EMC7: variants seen among roughly 807,000 people sequenced by gnomAD.
EMC7 encodes the protein endoplasmic reticulum membrane protein complex subunit 7.
A neutral mutation model predicts 24.4 loss-of-function variants in EMC7; 4 were observed. That is an observed-to-expected ratio of 0.16 (90% CI 0.08 to 0.38). The LOEUF is 0.38. EMC7 is among the 10% of genes least tolerant of loss of function. The pLI is 1.00. For synonymous variants in EMC7, 106 were observed against 112.0 expected (o/e 0.95, Z 0.34); for missense variants, 221 against 300.6 (o/e 0.74, Z 1.96).
intron 1 of EMC7, 61 bp from the exon 2 acceptor site, chr15:34,096,075 G>T (rs1315100325): frequency 7.1e-7 from 1 of 1,411,230 alleles, no homozygotes; most frequent in East Asian, 2.5e-5. Flanking sequence ...TTTCTTACTT[G>T]CTAATTCCCA....
chr15:34,091,753 C>G (rs1900976723), intron 2 of EMC7, among the ~76,000 whole-genome samples: 1 of 152,170 alleles, frequency 6.6e-6, no homozygotes, highest in Non-Finnish European at 1.5e-5. Flanking sequence ...CTAATTAAAT[C>G]TAAGCCTTCT....
intron 1 of EMC7, among the ~76,000 whole-genome samples, chr15:34,097,057 G>A (rs1343445686): frequency 6.1e-4 from 1 of 1,652 alleles, no homozygotes; most frequent in Non-Finnish European, 3.0e-3. Flanking sequence ...TTTTTGAGAC[G>A]GAGTCTCACT....
chr15:34,089,714 T>C (rs1900949249), intron 3 of EMC7, among the ~76,000 whole-genome samples: 1 of 152,168 alleles, frequency 6.6e-6, no homozygotes, highest in African/African-American at 2.4e-5. Context: ...CCCAGCACTT[T>C]AGGAGGCCGA....
intron 1 of EMC7, among the ~76,000 whole-genome samples, chr15:34,096,519 C>T (rs2140871569): frequency 6.6e-6 from 1 of 152,244 alleles, no homozygotes; most frequent in South Asian, 2.1e-4. Flanking sequence ...CCCAAGACCA[C>T]TCCAGGGTAG....
chr15:34,099,141 T>C (rs1344010712), intron 1 of EMC7, among the ~76,000 whole-genome samples: 1 of 152,172 alleles, frequency 6.6e-6, no homozygotes, highest in Non-Finnish European at 1.5e-5. Flanking sequence ...TGGAGATACA[T>C]AATAATGCTT....
At position 34,101,819 on chromosome 15, in the gene EMC7, G is replaced by A. The variant is rs200838781; in HGVS notation, c.21C>T (p.Gly7=). Reference sequence around the variant, plus strand: ...GCAGCAGCAGCAGGACGGGAAAGAAGCCCCACAGAGCGGCCGCCATGACAG... The same window carrying A: ...GCAGCAGCAGCAGGACGGGAAAGAAACCCCACAGAGCGGCCGCCATGACAG... The part of the protein sequence containing the change: MAAALW[G]FFPVLLLLLL... Residue 7 remains glycine, a synonymous_variant, in exon 1 of 5, where the codon GGC becomes GGT. Coordinates refer to ENST00000256545, the MANE Select transcript of EMC7 (RefSeq NM_020154.3). 4.4e-6 allele frequency: 7 copies of A among 1,607,700 alleles called. No individual in the cohort carries two copies. In the Admixed American group the frequency reaches 6.7e-5, roughly 15 times the overall value.
At chr15:34,098,066 T>C (rs1901108135) in intron 1 of EMC7, among the ~76,000 whole-genome samples, 1 of 152,054 alleles carries the variant, frequency 6.6e-6, no homozygotes, top group African/African-American at 2.4e-5. Flanking sequence ...GGCCTGGACA[T>C]GTTCCATTTG....
chr15:34,086,203 G>T, intron 4 of EMC7: 1 of 373,504 alleles, frequency 2.7e-6, no homozygotes, highest in Non-Finnish European at 5.1e-6. Flanking sequence ...ACACCTCTAG[G>T]TTTCTGCCAG....
chr15:34,099,074 T>A (rs1310606009), intron 1 of EMC7, among the ~76,000 whole-genome samples: 1 of 150,600 alleles, frequency 6.6e-6, no homozygotes, highest in South Asian at 2.1e-4. Flanking sequence ...TATTAAGGCA[T>A]GATTATTTTG....
chr15:34,096,860 G>A (rs911844824), intron 1 of EMC7, among the ~76,000 whole-genome samples: 2 of 151,726 alleles, frequency 1.3e-5, no homozygotes, highest in Admixed American at 1.3e-4. Context: ...GGTGGCGCAT[G>A]CCTGTAATCC....
intron 1 of EMC7, among the ~76,000 whole-genome samples, chr15:34,096,660 A>G (rs918891399): frequency 6.6e-6 from 1 of 152,102 alleles, no homozygotes; most frequent in Non-Finnish European, 1.5e-5. Flanking sequence ...TTAGGGTTCC[A>G]ATTTTGCCAG....
intron 2 of EMC7, 64 bp downstream of exon 2, chr15:34,095,831 A>C: frequency 7.3e-7 from 1 of 1,376,050 alleles, no homozygotes; most frequent in Non-Finnish European, 9.6e-7. Flanking sequence ...TAATTCTAAA[A>C]GGAATATATA....
At chr15:34,100,236 G>T (rs1376407104) in intron 1 of EMC7, among the ~76,000 whole-genome samples, 1 of 152,178 alleles carries the variant, frequency 6.6e-6, no homozygotes, top group Admixed American at 6.5e-5. Context: ...ATCTACTGAG[G>T]AGGCTGAGAC....
At chr15:34,097,149 T>C (rs1355107346) in intron 1 of EMC7, among the ~76,000 whole-genome samples, 1 of 147,392 alleles carries the variant, frequency 6.8e-6, no homozygotes, top group Non-Finnish European at 1.5e-5. Flanking sequence ...TTCTCCTTCC[T>C]CAGTCTCCCG....
intron 3 of EMC7, among the ~76,000 whole-genome samples, chr15:34,089,962 A>G (rs1900953565): frequency 6.6e-6 from 1 of 152,248 alleles, no homozygotes; most frequent in Non-Finnish European, 1.5e-5. Flanking sequence ...GTCTAAAAAA[A>G]GCCAAAACAA....
At chr15:34,090,570 A>G (rs1900961542) in intron 2 of EMC7, 115 bp from the exon 3 acceptor site, 3 of 1,184,710 alleles carry the variant, frequency 2.5e-6, no homozygotes, top group South Asian at 4.5e-5. Flanking sequence ...TTTTTCCAAA[A>G]TGCTTTAAAA....
intron 2 of EMC7, among the ~76,000 whole-genome samples, chr15:34,090,711 G>A (rs1263984807): frequency 1.3e-5 from 2 of 152,162 alleles, no homozygotes; most frequent in Middle Eastern, 3.2e-3. Context: ...ACCTAGACCT[G>A]TGGGATTAAA....
At chr15:34,099,956 C>G (rs1901149246) in intron 1 of EMC7, among the ~76,000 whole-genome samples, 1 of 152,180 alleles carries the variant, frequency 6.6e-6, no homozygotes, top group Non-Finnish European at 1.5e-5. Context: ...GTATCAAAAG[C>G]TGTTCAAAAA....
chr15:34,091,954 C>T (rs1479005362), intron 2 of EMC7, among the ~76,000 whole-genome samples: 2 of 152,164 alleles, frequency 1.3e-5, no homozygotes, highest in Non-Finnish European at 2.9e-5. Flanking sequence ...ATTTATCATG[C>T]ATGCTGCATG....
Sources: gnomAD v4.1 joint callset for allele counts (sites outside exome capture counted in the v4.1 genomes callset) on GRCh38, gnomAD v4.1.1 for gene constraint, MANE v1.5 for transcripts, NCBI Gene and HGNC (gene_info 2026-07-23, HGNC 2026-07-21) for gene names.